CEACAM20: variants seen among roughly 807,000 people sequenced by gnomAD.
CEACAM20 encodes the protein cell adhesion molecule CEACAM20.
Under a neutral mutation model 61.2 loss-of-function variants are expected in CEACAM20, and 50 were observed. That is an observed-to-expected ratio of 0.82 (90% confidence interval 0.65 to 1.03). CEACAM20 has a LOEUF of 1.03. Ranked by LOEUF, CEACAM20 falls within the 50% of genes least tolerant of loss-of-function variation. CEACAM20 has a pLI of 0.00. For missense variants in CEACAM20, 683 were observed against 736.4 expected (o/e 0.93, Z 0.84); for synonymous variants, 282 against 287.7 (o/e 0.98, Z 0.20).
chr19:44,518,152 AAGGAAGGAAGGAAGG>A (rs1555743485), intron 5 of CEACAM20, among the ~76,000 whole-genome samples: 1,473 of 90,336 alleles, frequency 0.016, 113 homozygotes, highest in African/African-American at 0.028. Flanking sequence ...GGAAGGAAGG[AAGGAAGGAAGGAAGG>A]AAGAAAGCAG....
chr19:44,510,700 A>G (rs1157652685), intron 11 of CEACAM20, among the ~76,000 whole-genome samples: 2 of 152,172 alleles, frequency 1.3e-5, no homozygotes, highest in African/African-American at 2.4e-5. Flanking sequence ...ATGGGGGGAA[A>G]TAGAGTGGAA....
At chr19:44,510,551 A>G (rs60360334) in intron 11 of CEACAM20, among the ~76,000 whole-genome samples, 29,469 of 65,520 alleles carry the variant, frequency 0.45, 4,579 homozygotes, top group South Asian at 0.55. Context: ...AAGGAAGGAA[A>G]GAAAGAAAGA....
At position 44,522,794 on chromosome 19, in the gene CEACAM20, A is replaced by G; in HGVS notation, c.591T>C (p.Cys197=). Residue 197 remains cysteine (C), a synonymous_variant, in exon 4 of 12, where the codon TGT becomes TGC. Coordinates refer to ENST00000614924, the MANE Select transcript of CEACAM20 (RefSeq NM_001102597.3). The part of the protein sequence containing the change: ...FLAETKSHPP[C]AYTWFLLDSI... The stretch of plus-strand genomic sequence containing the variant: ...AGTCAAGGAGAAACCAAGTATAGGC[A>G]CAGGGTGGGTGAGACTTTGTTTCCG... 1 of 1,613,780 alleles carries G rather than the reference A, an allele frequency of 6.2e-7. No individual in the cohort carries two copies. Among genetic ancestry groups the G allele is most frequent in the Non-Finnish European group, 8.5e-7 (1 of 1,179,832 alleles).
chr19:44,521,525 TTG>T (rs917446805), intron 4 of CEACAM20, among the ~76,000 whole-genome samples: 1 of 152,056 alleles, frequency 6.6e-6, no homozygotes, highest in Non-Finnish European at 1.5e-5. Flanking sequence ...TGTGAGCATT[TTG>T]TGTGTGTGTT....
At chr19:44,521,654 T>C (rs1251023654) in intron 4 of CEACAM20, among the ~76,000 whole-genome samples, 1 of 152,062 alleles carries the variant, frequency 6.6e-6, no homozygotes, top group Non-Finnish European at 1.5e-5. Context: ...TTTGTGTGTA[T>C]GTGTTGTATG....
At chr19:44,513,140 T>A (rs1426033907) in intron 7 of CEACAM20, 32 bp downstream of exon 7, 2 of 1,543,074 alleles carry the variant, frequency 1.3e-6, no homozygotes, top group Non-Finnish European at 1.8e-6. Flanking sequence ...CACATCCCCA[T>A]CCCCATCCCC....
intron 5 of CEACAM20, among the ~76,000 whole-genome samples, chr19:44,519,177 T>C (rs976776323): frequency 6.6e-6 from 1 of 152,042 alleles, no homozygotes; most frequent in South Asian, 2.1e-4. Flanking sequence ...CTTTGCAACA[T>C]CCCCCAGATG....
At chr19:44,507,947 G>T (rs1970866052) in intron 11 of CEACAM20, among the ~76,000 whole-genome samples, 1 of 152,208 alleles carries the variant, frequency 6.6e-6, no homozygotes, top group Non-Finnish European at 1.5e-5. Flanking sequence ...ATAGTTATCT[G>T]TCTGTTAGGC....
At chr19:44,526,555 T>C (rs983972276) in intron 1 of CEACAM20, among the ~76,000 whole-genome samples, 1 of 150,128 alleles carries the variant, frequency 6.7e-6, no homozygotes, top group South Asian at 2.1e-4. Context: ...TTCCATTTGA[T>C]CATTCTGCAC....
At chr19:44,525,995 G>A (rs1971519298) in intron 1 of CEACAM20, among the ~76,000 whole-genome samples, 1 of 152,176 alleles carries the variant, frequency 6.6e-6, no homozygotes, top group Admixed American at 6.5e-5. Context: ...ATTGTCAATG[G>A]CAGAAGCTAA....
chr19:44,514,659 A>G (rs1971102509), intron 6 of CEACAM20, among the ~76,000 whole-genome samples: 1 of 151,764 alleles, frequency 6.6e-6, no homozygotes, highest in Non-Finnish European at 1.5e-5. Context: ...GGGTTTCGCC[A>G]TGTTGGCCAG....
At chr19:44,512,688 C>A (rs955071640) in intron 8 of CEACAM20, among the ~76,000 whole-genome samples, 180 bp downstream of exon 8, 1 of 152,230 alleles carries the variant, frequency 6.6e-6, no homozygotes, top group Admixed American at 6.5e-5. Context: ...CAGGCAGAAC[C>A]CATCAGAGGG....
chr19:44,507,090 C>G (rs1970840253), intron 11 of CEACAM20, among the ~76,000 whole-genome samples: 2 of 152,214 alleles, frequency 1.3e-5, no homozygotes, highest in Non-Finnish European at 2.9e-5. Flanking sequence ...CTTCCCCACA[C>G]CACCTCCCTT....
At chr19:44,511,875 A>C (rs1437810816) in intron 9 of CEACAM20, 142 bp downstream of exon 9, 3 of 908,448 alleles carry the variant, frequency 3.3e-6, no homozygotes, top group Non-Finnish European at 3.4e-6. Flanking sequence ...AGATCCTCAG[A>C]GAAGTCAGAG....
rs2123607547 is a variant in CEACAM20 at position 44,520,459 on chromosome 19, C to T, written c.1030+15G>A. 1 of 1,609,254 alleles carries T rather than the reference C, an allele frequency of 6.2e-7. No homozygotes were observed. Among genetic ancestry groups the T allele is most frequent in the Non-Finnish European group, 8.5e-7 (1 of 1,177,702 alleles). ...AGCAGGGAGATGGGGAAGGTCCAGG[C>T]CCTGGGTGACTCACAGTTGATGGTC... On this transcript the variant is annotated intron_variant, in intron 5 of 11. Transcript: ENST00000614924.
chr19:44,521,157 A>C (rs2123612923), intron 4 of CEACAM20, among the ~76,000 whole-genome samples: 1 of 151,578 alleles, frequency 6.6e-6, no homozygotes, highest in South Asian at 2.1e-4. Context: ...TGTTTGTGTT[A>C]TGTGTTTGTG....
intron 7 of CEACAM20, 73 bp downstream of exon 7, chr19:44,513,099 G>T: frequency 7.4e-7 from 1 of 1,360,364 alleles, no homozygotes; most frequent in Non-Finnish European, 1.0e-6. Flanking sequence ...ACCATGGTCA[G>T]CAACACGCCC....
chr19:44,524,533 C>T (rs1971469648), intron 2 of CEACAM20, among the ~76,000 whole-genome samples: 2 of 152,272 alleles, frequency 1.3e-5, no homozygotes, highest in Middle Eastern at 3.4e-3. Flanking sequence ...ATGTCAGCTG[C>T]AATGACAATC....
At chr19:44,526,769 G>C (rs777223900) in intron 1 of CEACAM20, among the ~76,000 whole-genome samples, 18 of 151,206 alleles carry the variant, frequency 1.2e-4, no homozygotes, top group Non-Finnish European at 2.5e-4. Context: ...AGCTACTTGG[G>C]AGGCTGAGGC....
Sources: gnomAD v4.1 joint callset for allele counts (sites outside exome capture counted in the v4.1 genomes callset) on GRCh38, gnomAD v4.1.1 for gene constraint, MANE v1.5 for transcripts, NCBI Gene and HGNC (gene_info 2026-07-23, HGNC 2026-07-21) for gene names.